Variants in DDX60 observed in about 807,000 individuals in gnomAD.
DDX60 encodes probable ATP-dependent RNA helicase DDX60.
Under a neutral mutation model 212.8 loss-of-function variants are expected in DDX60, and 165 were observed. That is an observed-to-expected ratio of 0.78 (90% CI 0.68 to 0.88). DDX60 has a LOEUF of 0.88. Among genes scored for constraint, DDX60 ranks in the 40% least tolerant of loss-of-function variants. The pLI, the probability that DDX60 is intolerant of heterozygous loss-of-function variation, is 0.00. For missense variants in DDX60, 1,905 were observed against 2,003.9 expected, an observed-to-expected ratio of 0.95 and a Z score of 0.94; for synonymous variants, 703 against 685.3, an observed-to-expected ratio of 1.03 and a Z score of -0.40.
intron 35 of DDX60, among the ~76,000 whole-genome samples, chr4:168,223,362 A>G (rs1733133054): frequency 6.6e-6 from 1 of 152,108 alleles, no homozygotes. Flanking sequence ...TACTCTAGTA[A>G]AGTAAATTTG....
chr4:168,272,227 G>A, intron 18 of DDX60, 89 bp from the exon 19 acceptor site: 1 of 995,154 alleles, frequency 1.0e-6, no homozygotes, highest in South Asian at 1.5e-5. Context: ...AGACTTATGA[G>A]TCCTGAATGT....
At chr4:168,317,094 A>AG (rs1737427632) in intron 1 of DDX60, among the ~76,000 whole-genome samples, 1 of 151,582 alleles carries the variant, frequency 6.6e-6, no homozygotes, top group African/African-American at 2.4e-5. Flanking sequence ...AAGAAAAAAA[A>AG]GAAAACCTGA....
At position 168,267,611 on chromosome 4, in the gene DDX60, G is replaced by T; in HGVS notation, c.3010C>A (p.His1004Asn). The change falls in exon 22 of 38, where the codon CAC becomes AAC. Residue 1004 changes from histidine (H) to asparagine (N), a missense_variant. Transcript: ENST00000393743. The stretch of plus-strand genomic sequence containing the variant: ...TCTGTTGTTAGTGCAGCACATGGGT[G>T]AAAATGATCAAAATGAATGTCACCA... ...KHGDIHFDHF[H>N]PCAALTTDHI... 1 of 1,599,620 alleles carries T rather than the reference G, an allele frequency of 6.3e-7. No homozygotes were observed. The highest frequency in any genetic ancestry group is 8.5e-7 in the Non-Finnish European group (1 of 1,172,648).
rs1736585086 is a variant in DDX60, at chr4:168,300,153, A to AATGCCCT, written c.723+2146_723+2147insAGGGCAT. The stretch of plus-strand genomic sequence containing the variant: ...TTGCTTCAATACAGGGAAAATCATT[A>AATGCCCT]ATACAATACTAATAAAACTGAGGAG... On this transcript the variant is annotated intron_variant, in intron 6 of 37. Transcript: ENST00000393743. Among the ~76,000 whole-genome samples the AATGCCCT allele has an allele frequency of 2.0e-5, 3 of 151,676 alleles. No homozygotes were observed. In the South Asian group the frequency reaches 6.2e-4, roughly 32 times the overall value.
chr4:168,318,977 T>C, upstream of DDX60, among the ~76,000 whole-genome samples: 1 of 151,892 alleles, frequency 6.6e-6, no homozygotes, highest in East Asian at 1.9e-4. Flanking sequence ...GAACCAGTTC[T>C]GGTATTCTAT....
intron 30 of DDX60, among the ~76,000 whole-genome samples, chr4:168,244,405 A>C (rs567748877): frequency 6.6e-6 from 1 of 152,336 alleles, no homozygotes; most frequent in East Asian, 1.9e-4. Context: ...CATTATTATG[A>C]TATAAAAGAG....
In DDX60 at chr4:168,269,081, A is replaced by C. The variant is rs113339585; in HGVS notation, c.2671-112T>G. The stretch of plus-strand genomic sequence containing the variant: ...CATGCATGCCTTCCCATCGCCTTTA[A>C]GTGACCATGCCAAGTTTAAAGAAAT... On this transcript the variant is annotated intron_variant, in intron 19 of 37. Coordinates refer to ENST00000393743, the MANE Select transcript of DDX60 (RefSeq NM_017631.6). 1.3e-5 allele frequency: 7 copies of C among 533,900 alleles called. 1 individual carries two copies. Among genetic ancestry groups the C allele is most frequent in the African/African-American group, 1.9e-5 (1 of 53,002 alleles). 33.1% of individuals were successfully genotyped at this position (533,900 alleles called of 1,614,324 possible).
At chr4:168,254,435 T>G (rs1734330357) in intron 26 of DDX60, among the ~76,000 whole-genome samples, 1 of 152,128 alleles carries the variant, frequency 6.6e-6, no homozygotes, top group Admixed American at 6.6e-5. Flanking sequence ...AGCAGCAAAT[T>G]CTAGTTTGCT....
rs552869138 is a variant in DDX60 at position 168,281,602 on chromosome 4, A to G, written c.1723-1012T>C. 2.0e-5 allele frequency among the ~76,000 whole-genome samples: 3 copies of G among 152,332 alleles called. No individual in the cohort carries two copies. In the South Asian group the frequency reaches 6.2e-4, roughly 32 times the overall value. On this transcript the variant is annotated intron_variant, in intron 13 of 37. Coordinates refer to ENST00000393743, the MANE Select transcript of DDX60 (RefSeq NM_017631.6). ...TGCTCTTCCTCAATAAGCACTTCCA[A>G]TTAACTTAAACATAGTATGGACCCA...
chr4:168,280,714 T>G, intron 13 of DDX60, 124 bp from the exon 14 acceptor site: 1 of 1,126,056 alleles, frequency 8.9e-7, no homozygotes. Context: ...TGAGTAGATG[T>G]GAAAAATTTC....
At chr4:168,295,461 A>C (rs563356190) in intron 6 of DDX60, among the ~76,000 whole-genome samples, 29 of 152,310 alleles carry the variant, frequency 1.9e-4, no homozygotes, top group Admixed American at 3.3e-4. Context: ...GTGTTCAAAT[A>C]AGGCAAATGC....
At chr4:168,324,870 A>G in the DDX60 span, among the ~76,000 whole-genome samples, 1 of 152,230 alleles carries the variant, frequency 6.6e-6, no homozygotes, top group African/African-American at 2.4e-5. Context: ...GAAGCAGTTA[A>G]GATCTTGTCT....
At chr4:168,324,794 C>A in the DDX60 span, among the ~76,000 whole-genome samples, 1 of 152,142 alleles carries the variant, frequency 6.6e-6, no homozygotes. Context: ...GAATGAGTAT[C>A]CCAAATGAAT....
intron 27 of DDX60, 87 bp from the exon 28 acceptor site, chr4:168,251,193 A>C: frequency 7.6e-7 from 1 of 1,307,538 alleles, no homozygotes; most frequent in Non-Finnish European, 1.0e-6. Context: ...CATACTATGT[A>C]ATAATTTGGC....
intron 5 of DDX60, among the ~76,000 whole-genome samples, chr4:168,302,623 A>G (rs1041052330): frequency 3.9e-5 from 6 of 152,216 alleles, no homozygotes; most frequent in African/African-American, 1.4e-4. Context: ...AATATAGCGT[A>G]TTTTGTTTTT....
chr4:168,298,349 CAACT>C (rs1159676559), intron 6 of DDX60, among the ~76,000 whole-genome samples: 3 of 151,272 alleles, frequency 2.0e-5, no homozygotes, highest in African/African-American at 7.4e-5. Flanking sequence ...ATAAGACACA[CAACT>C]AAAACAAAGT....
At chr4:168,245,946 G>A (rs191272166) in intron 30 of DDX60, among the ~76,000 whole-genome samples, 2 of 152,184 alleles carry the variant, frequency 1.3e-5, no homozygotes, top group Admixed American at 1.3e-4. Context: ...TGTCTTTGGG[G>A]AGTGGAACAG....
At chr4:168,239,546 C>T (rs893228693) in intron 30 of DDX60, among the ~76,000 whole-genome samples, 1 of 152,052 alleles carries the variant, frequency 6.6e-6, no homozygotes, top group African/African-American at 2.4e-5. Context: ...GGAACATTGT[C>T]AATGCAGCAG....
upstream of DDX60, among the ~76,000 whole-genome samples, chr4:168,321,252 C>A (rs1272566739): frequency 6.6e-6 from 1 of 152,114 alleles, no homozygotes; most frequent in African/African-American, 2.4e-5. Context: ...TCCCTTTATG[C>A]CCTACACTTT....
Sources: gnomAD v4.1 joint callset for allele counts (sites outside exome capture counted in the v4.1 genomes callset) on GRCh38, gnomAD v4.1.1 for gene constraint, MANE v1.5 for transcripts, NCBI Gene and HGNC (gene_info 2026-07-23, HGNC 2026-07-21) for gene names.